Variants in RAPGEF1 observed in about 807,000 individuals in gnomAD.
RAPGEF1 encodes the protein CRK SH3-binding GNRP.
Under a neutral mutation model 143.3 loss-of-function variants are expected in RAPGEF1, and 33 were observed. The ratio of observed to expected loss-of-function variants is 0.23; its 90% CI spans 0.17 to 0.31. The LOEUF (loss-of-function observed/expected upper bound fraction) is 0.31, where lower values mean the gene tolerates loss of function less well. RAPGEF1 is among the 10% of genes least tolerant of loss of function. The pLI is 1.00. For synonymous variants in RAPGEF1, 629 were observed against 676.5 expected, an observed-to-expected ratio of 0.93 and a Z score of 1.09; for missense variants, 1,199 against 1,645.4, an observed-to-expected ratio of 0.73 and a Z score of 4.69.
intron 5 of RAPGEF1, among the ~76,000 whole-genome samples, chr9:131,631,682 A>C (rs537561616): frequency 9.8e-5 from 15 of 152,372 alleles, no homozygotes; most frequent in African/African-American, 3.6e-4. Context: ...AGACTCAAAA[A>C]AGCACCACAC....
chr9:131,584,464 C>T lies in RAPGEF1; in HGVS notation c.3313-52G>A. ...GGCAGGAGGGCAGGCGGGTCCCGGG[C>T]TCCCAGAGCAGGGACTGATGATGGG... On this transcript the variant is annotated intron_variant, in intron 23 of 26. Coordinates refer to ENST00000683357, the MANE Select transcript of RAPGEF1 (RefSeq NM_001377935.1). This position sits in a 1 kb window ranked among gnomAD's most constrained non-coding sequence, Gnocchi z 6.8. 1 of 1,612,276 alleles carries T rather than the reference C, an allele frequency of 6.2e-7. No homozygotes were observed. Among genetic ancestry groups the T allele is most frequent in the Admixed American group, 1.7e-5 (1 of 60,028 alleles).
chr9:131,700,280 C>T (rs1202513312), intron 1 of RAPGEF1, among the ~76,000 whole-genome samples: 2 of 152,192 alleles, frequency 1.3e-5, no homozygotes, highest in Non-Finnish European at 2.9e-5. Flanking sequence ...CCACCTCTTC[C>T]TTTTCCGGAG....
chr9:131,630,166 C>T, intron 6 of RAPGEF1, 70 bp downstream of exon 6: 1 of 1,468,432 alleles, frequency 6.8e-7, no homozygotes, highest in Admixed American at 1.7e-5. Flanking sequence ...CCACCGGGCC[C>T]TATCCTTGTC....
chr9:131,584,243 T>TG lies in RAPGEF1; in HGVS notation c.3414+67_3414+68insC. 1 of 1,403,464 alleles carries TG rather than the reference T, an allele frequency of 7.1e-7. No individual in the cohort carries two copies. Among genetic ancestry groups the TG allele is most frequent in the Admixed American group, 2.0e-5 (1 of 50,836 alleles). The allele number at this position is 1,403,464 out of a possible 1,614,324, so 86.9% of individuals were successfully genotyped here. ...CAGTGGGAGCACTTTCTGCCACAGC[T>TG]AGTCGCCTGAGGGCTGGGCGGCCCC... On this transcript the variant is annotated intron_variant, in intron 24 of 26. Coordinates refer to ENST00000683357, the MANE Select transcript of RAPGEF1 (RefSeq NM_001377935.1). This position sits in a 1 kb window ranked among gnomAD's most constrained non-coding sequence, Gnocchi z 6.8.
At position 131,667,420 on chromosome 9, in the gene RAPGEF1, C is replaced by T. The variant is rs528942352; in HGVS notation, c.62-16471G>A. Among the ~76,000 whole-genome samples the T allele has an allele frequency of 5.3e-5, 8 of 152,342 alleles. No homozygotes were observed. Among genetic ancestry groups the T allele is most frequent in the African/African-American group, 1.4e-4 (6 of 41,582 alleles). On this transcript the variant is annotated intron_variant, in intron 1 of 26. Transcript: ENST00000683357. This position sits in a 1 kb window ranked among gnomAD's most constrained non-coding sequence, Gnocchi z 4.6. ...AGCCCTCCCACACCCTCTTCCTACACGGAGGTACTGCCCATTTCCTCCTCC... is the reference window on the plus strand; with the variant it reads ...AGCCCTCCCACACCCTCTTCCTACATGGAGGTACTGCCCATTTCCTCCTCC...
At chr9:131,656,691 CG>C (rs954105355) in intron 1 of RAPGEF1, among the ~76,000 whole-genome samples, 41 of 152,262 alleles carry the variant, frequency 2.7e-4, no homozygotes, top group African/African-American at 9.9e-4. Context: ...ATGACCACGG[CG>C]GAACTGGGGT....
intron 1 of RAPGEF1, among the ~76,000 whole-genome samples, chr9:131,664,401 G>A (rs934772247): frequency 3.9e-5 from 6 of 152,064 alleles, no homozygotes; most frequent in Non-Finnish European, 5.9e-5. Context: ...AGAGAAATAT[G>A]TACATGTATT....
intron 1 of RAPGEF1, among the ~76,000 whole-genome samples, chr9:131,702,091 TG>T (rs1177762951): frequency 6.6e-6 from 1 of 152,228 alleles, no homozygotes; most frequent in African/African-American, 2.4e-5. Flanking sequence ...TCCTAACAAT[TG>T]AATTGATGCT....
chr9:131,625,792 T>C (rs1407317187), intron 10 of RAPGEF1, 130 bp downstream of exon 10: 4 of 1,275,640 alleles, frequency 3.1e-6, no homozygotes, highest in Non-Finnish European at 3.2e-6. Context: ...AGTGTCCACA[T>C]ACCTGGCTGG....
rs1237310070 is a variant in RAPGEF1, at chr9:131,579,485, C to T, written c.*12G>A. The T allele has an allele frequency of 8.7e-6, 14 of 1,612,896 alleles. No individual in the cohort carries two copies. Among genetic ancestry groups the T allele is most frequent in the Middle Eastern group, 1.6e-4 (1 of 6,080 alleles). Reference sequence around the variant, plus strand: ...GCCCCTCGAGCATTCTCCTGGATCCCGGCGTCTGCTCCTAGGTCTTCTCTT... The same window carrying T: ...GCCCCTCGAGCATTCTCCTGGATCCTGGCGTCTGCTCCTAGGTCTTCTCTT... On this transcript the variant is annotated 3_prime_UTR_variant, in exon 27 of 27. Transcript: ENST00000683357.
chr9:131,643,572 G>C (rs1368546478), intron 3 of RAPGEF1, among the ~76,000 whole-genome samples, 155 bp from the exon 4 acceptor site: 1 of 152,188 alleles, frequency 6.6e-6, no homozygotes, highest in African/African-American at 2.4e-5. Flanking sequence ...TCTAAGGATT[G>C]TAATCAGGAG....
intron 5 of RAPGEF1, among the ~76,000 whole-genome samples, chr9:131,635,210 C>T (rs1383528979): frequency 1.3e-5 from 2 of 152,118 alleles, no homozygotes; most frequent in East Asian, 3.8e-4. Flanking sequence ...TTACCAGGTA[C>T]TTTATATACT....
intron 1 of RAPGEF1, among the ~76,000 whole-genome samples, chr9:131,708,097 C>A (rs1201234427): frequency 6.6e-6 from 1 of 152,208 alleles, no homozygotes; most frequent in Non-Finnish European, 1.5e-5. Context: ...TGGAACCTGA[C>A]AGTAAATTAG....
In RAPGEF1 at chr9:131,650,456, A is replaced by G. The variant is rs1970795798; in HGVS notation, c.202-214T>C. ...AAGCCAAATGATGGATGTTCTGGAC[A>G]TCACAGAGTTCCCTGTGTTTGAGTG... is the stretch of plus-strand genomic sequence containing the variant. On this transcript the variant is annotated intron_variant, in intron 2 of 26. Coordinates refer to ENST00000683357, the MANE Select transcript of RAPGEF1 (RefSeq NM_001377935.1). The surrounding 1 kb of genome is among the most constrained non-coding windows in gnomAD (Gnocchi z 4.7). 2.0e-5 allele frequency among the ~76,000 whole-genome samples: 3 copies of G among 152,356 alleles called. No individual in the cohort carries two copies. The highest frequency in any genetic ancestry group is 3.4e-3 in the Middle Eastern group (1 of 294).
chr9:131,689,570 G>A (rs988088679), intron 1 of RAPGEF1, among the ~76,000 whole-genome samples: 2 of 149,944 alleles, frequency 1.3e-5, no homozygotes. Context: ...ACGGAGTCTT[G>A]CTCTGTTGCC....
At chr9:131,720,320 CATT>C (rs1488212455) in intron 1 of RAPGEF1, among the ~76,000 whole-genome samples, 2 of 152,194 alleles carry the variant, frequency 1.3e-5, no homozygotes, top group African/African-American at 4.8e-5. Context: ...TCATCATCAT[CATT>C]ATTATTATAA....
intron 22 of RAPGEF1, among the ~76,000 whole-genome samples, chr9:131,587,035 CA>C (rs1402068072): frequency 7.2e-5 from 9 of 124,902 alleles, no homozygotes; most frequent in African/African-American, 2.3e-4. Flanking sequence ...CACACACACA[CA>C]CACCCCTGCA....
At chr9:131,590,050 ACCACT>A in intron 18 of RAPGEF1, 72 bp from the exon 19 acceptor site, 1 of 1,354,444 alleles carries the variant, frequency 7.4e-7, no homozygotes, top group Non-Finnish European at 1.1e-6. Context: ...ACTCCTGGTG[ACCACT>A]CACTGAGCGC....
chr9:131,737,393 C>A, intron 1 of RAPGEF1: 1 of 1,613,824 alleles, frequency 6.2e-7, no homozygotes, highest in Admixed American at 1.7e-5. Flanking sequence ...ACTCATGACA[C>A]CCCTCTCTCA....
Sources: allele counts gnomAD v4.1 joint callset (sites outside exome capture counted in the v4.1 genomes callset), GRCh38; gene constraint gnomAD v4.1.1; non-coding constraint Gnocchi (gnomAD v3.1); transcripts MANE v1.5; gene names NCBI Gene and HGNC (gene_info 2026-07-23, HGNC 2026-07-21).